Variants in LAMA3 observed in about 807,000 individuals in gnomAD.
The protein encoded by LAMA3 is laminin subunit alpha-3.
LAMA3 carries 281 observed loss-of-function variants against 402.0 expected under a neutral mutation model. That is an observed-to-expected ratio of 0.70 (90% CI 0.63 to 0.77). LAMA3 has a LOEUF of 0.77. Among genes scored for constraint, LAMA3 ranks in the 30% least tolerant of loss-of-function variants. LAMA3 has a pLI of 0.00. For missense variants in LAMA3, 3,840 were observed against 4,215.5 expected (o/e 0.91, Z 2.47); for synonymous variants, 1,431 against 1,558.4 (o/e 0.92, Z 1.93).
intron 35 of LAMA3, 40 bp from the exon 36 acceptor site, chr18:23,864,745 T>C: frequency 7.6e-7 from 1 of 1,307,384 alleles, no homozygotes; most frequent in Middle Eastern, 1.8e-4. Flanking sequence ...CATCATCTCT[T>C]TTAATGCTTG....
chr18:23,832,926 A>G (rs2063514684), intron 23 of LAMA3, among the ~76,000 whole-genome samples: 1 of 152,204 alleles, frequency 6.6e-6, no homozygotes, highest in Non-Finnish European at 1.5e-5. Flanking sequence ...TGTTTTTTAT[A>G]TGTCAGATAT....
chr18:23,703,562 G>T lies in LAMA3; in HGVS notation c.295-10358G>T, dbSNP rs574696787. Among the ~76,000 whole-genome samples the T allele has an allele frequency of 1.2e-4, 18 of 152,182 alleles. No homozygotes were observed. The South Asian group carries it at 3.1e-3, about 26-fold the overall frequency. ...CTTAACTGCTTCTTTTTAAAAAGGG[G>T]TGTGTCCAACATGGCACATGTATAC... is the stretch of plus-strand genomic sequence containing the variant. On this transcript the variant is annotated intron_variant, in intron 1 of 74. Transcript: ENST00000313654.
intron 1 of LAMA3, among the ~76,000 whole-genome samples, chr18:23,702,242 T>C (rs890298161): frequency 6.6e-6 from 1 of 152,092 alleles, no homozygotes; most frequent in African/African-American, 2.4e-5. Context: ...AGTGAAATAT[T>C]ACATCAATAT....
intron 25 of LAMA3, among the ~76,000 whole-genome samples, chr18:23,837,763 C>T (rs576766254): frequency 6.6e-6 from 1 of 151,702 alleles, no homozygotes; most frequent in Non-Finnish European, 1.5e-5. Context: ...TTAAGATTCT[C>T]TAAGTGTGAA....
At chr18:23,738,345 A>G (rs2061510552) in intron 2 of LAMA3, among the ~76,000 whole-genome samples, 1 of 152,026 alleles carries the variant, frequency 6.6e-6, no homozygotes, top group African/African-American at 2.4e-5. Context: ...TTGGCTTTTG[A>G]CAGGAGGAGG....
intron 7 of LAMA3, 100 bp downstream of exon 7, chr18:23,758,611 T>C (rs2061903820): frequency 1.7e-5 from 15 of 886,728 alleles, no homozygotes; most frequent in Non-Finnish European, 2.4e-5. Flanking sequence ...GCTGTGGTCA[T>C]GTCAGTGTTA....
chr18:23,830,190 G>T (rs989502114), intron 23 of LAMA3, among the ~76,000 whole-genome samples: 2 of 152,018 alleles, frequency 1.3e-5, no homozygotes, highest in Non-Finnish European at 2.9e-5. Context: ...CTTTTAAAAC[G>T]TTTTATCCAG....
chr18:23,904,137 A>G (rs1343418414), intron 50 of LAMA3, 50 bp downstream of exon 50: 9 of 1,606,632 alleles, frequency 5.6e-6, no homozygotes, highest in Middle Eastern at 4.3e-4. Context: ...TGAGCTCAGC[A>G]GCTTGTCCTG....
chr18:23,901,419 C>T, intron 48 of LAMA3, 96 bp downstream of exon 48: 1 of 999,882 alleles, frequency 1.0e-6, no homozygotes. Context: ...AGGCACCTGT[C>T]TGTACATCTC....
chr18:23,899,160 A>G, intron 46 of LAMA3, 95 bp downstream of exon 46: 2 of 1,296,900 alleles, frequency 1.5e-6, no homozygotes, highest in South Asian at 2.5e-5. Context: ...AACATTATGA[A>G]AAGAATCCCA....
chr18:23,934,923 A>T (rs891390691), intron 67 of LAMA3, among the ~76,000 whole-genome samples: 2 of 152,246 alleles, frequency 1.3e-5, no homozygotes, highest in African/African-American at 2.4e-5. Context: ...ATAATACCTA[A>T]TAAAATACAT....
In LAMA3 at chr18:23,843,452, C is replaced by G. The variant is rs538066429; in HGVS notation, c.3603+702C>G. Among the ~76,000 whole-genome samples the G allele has an allele frequency of 1.1e-3, 171 of 152,242 alleles. 1 individual carries two copies. The highest frequency in any genetic ancestry group is 2.1e-3 in the Non-Finnish European group (144 of 68,004). The stretch of plus-strand genomic sequence containing the variant: ...GCAGCTCTGCTCCCACATCTGTTAC[C>G]ACACCCCAGAGTCTTTCTCTGCCGT... On this transcript the variant is annotated intron_variant, in intron 29 of 74. Coordinates refer to ENST00000313654, the MANE Select transcript of LAMA3 (RefSeq NM_198129.4).
chr18:23,951,817 G>A, intron 73 of LAMA3, 40 bp downstream of exon 73: 5 of 1,470,636 alleles, frequency 3.4e-6, no homozygotes, highest in South Asian at 1.2e-5. Flanking sequence ...CACTAAAACA[G>A]GCCCCCTTTC....
At chr18:23,916,321 C>T (rs922133648) in intron 59 of LAMA3, among the ~76,000 whole-genome samples, 4 of 152,154 alleles carry the variant, frequency 2.6e-5, no homozygotes, top group African/African-American at 9.7e-5. Flanking sequence ...GTATCTTACT[C>T]ATCTTTGTCG....
chr18:23,823,627 C>T (rs2063328322), intron 20 of LAMA3, among the ~76,000 whole-genome samples: 1 of 152,178 alleles, frequency 6.6e-6, no homozygotes, highest in African/African-American at 2.4e-5. Flanking sequence ...TGTTTACTGC[C>T]TTGTCACCAG....
At chr18:23,845,920 G>T (rs534453343) in intron 30 of LAMA3, among the ~76,000 whole-genome samples, 4 of 152,156 alleles carry the variant, frequency 2.6e-5, no homozygotes, top group African/African-American at 9.7e-5. Context: ...GAATGATAGC[G>T]ATTCTCCTCC....
chr18:23,924,553 T>C (rs2081947383), intron 62 of LAMA3, among the ~76,000 whole-genome samples: 1 of 148,436 alleles, frequency 6.7e-6, no homozygotes, highest in Admixed American at 6.7e-5. Context: ...CTTTTTTTTT[T>C]TTTTTTTTGA....
At chr18:23,894,760 C>T (rs1359793023) in intron 43 of LAMA3, 147 bp from the exon 44 acceptor site, 4 of 947,096 alleles carry the variant, frequency 4.2e-6, no homozygotes, top group African/African-American at 3.3e-5. Context: ...TTTCAGAATC[C>T]ACATCCATCC....
chr18:23,755,689 CA>C (rs916818438), intron 6 of LAMA3, among the ~76,000 whole-genome samples: 1 of 151,920 alleles, frequency 6.6e-6, no homozygotes, highest in Non-Finnish European at 1.5e-5. Flanking sequence ...GCAGCCAACT[CA>C]AAAAGGGAAA....
Sources: allele counts gnomAD v4.1 joint callset (sites outside exome capture counted in the v4.1 genomes callset), GRCh38; gene constraint gnomAD v4.1.1; transcripts MANE v1.5; gene names NCBI Gene and HGNC (gene_info 2026-07-23, HGNC 2026-07-21).